Variants in CRIM1 observed in about 807,000 individuals in gnomAD.
CRIM1 encodes cysteine rich transmembrane BMP regulator 1, also known as cysteine-rich motor neuron 1 protein.
Under a neutral mutation model 116.4 loss-of-function variants are expected in CRIM1, and 32 were observed. The observed-to-expected ratio is 0.27, with a 90% CI of 0.21 to 0.37. CRIM1 has a LOEUF of 0.37. Ranked by LOEUF, CRIM1 falls within the 10% of genes least tolerant of loss-of-function variation. The probability of loss-of-function intolerance (pLI) is 1.00; values close to 1 mark genes in which losing one functional copy is unlikely to be tolerated. For synonymous variants in CRIM1, 590 were observed against 509.2 expected (o/e 1.16, Z -2.13); for missense variants, 1,331 against 1,354.8 (o/e 0.98, Z 0.28).
chr2:36,429,774 G>A (rs1280592096), intron 2 of CRIM1, among the ~76,000 whole-genome samples: 2 of 152,114 alleles, frequency 1.3e-5, no homozygotes, highest in Non-Finnish European at 2.9e-5. Flanking sequence ...CCAAGACCAG[G>A]GGATAAGATT....
At chr2:36,409,304 C>G (rs1673041325) in intron 2 of CRIM1, among the ~76,000 whole-genome samples, 1 of 152,276 alleles carries the variant, frequency 6.6e-6, no homozygotes, top group East Asian at 1.9e-4. Flanking sequence ...TAACTATAAT[C>G]TAGGAAAAAT....
chr2:36,397,716 C>T (rs1672127364), intron 2 of CRIM1, among the ~76,000 whole-genome samples: 1 of 152,092 alleles, frequency 6.6e-6, no homozygotes, highest in Admixed American at 6.5e-5. Flanking sequence ...ACTTAGTTTC[C>T]AAGTTATATT....
intron 1 of CRIM1, among the ~76,000 whole-genome samples, chr2:36,387,445 C>T (rs1322754185): frequency 6.6e-6 from 1 of 152,160 alleles, no homozygotes; most frequent in Non-Finnish European, 1.5e-5. Context: ...GAGACAGCTG[C>T]GTTGCTTAAT....
At chr2:36,482,114 G>A (rs943287731) in intron 7 of CRIM1, among the ~76,000 whole-genome samples, 2 of 152,106 alleles carry the variant, frequency 1.3e-5, no homozygotes, top group African/African-American at 4.8e-5. Context: ...TCATTTCAGC[G>A]GTAAAGTTCT....
chr2:36,441,704 C>T (rs1057056468), intron 3 of CRIM1, among the ~76,000 whole-genome samples: 2 of 152,158 alleles, frequency 1.3e-5, no homozygotes, highest in Non-Finnish European at 2.9e-5. Flanking sequence ...GGTACATAAG[C>T]GCCTTCGGAG....
chr2:36,434,944 T>G (rs772843178), intron 2 of CRIM1, among the ~76,000 whole-genome samples: 2 of 152,190 alleles, frequency 1.3e-5, no homozygotes, highest in African/African-American at 4.8e-5. Flanking sequence ...CAGAGATACC[T>G]TCCTTCACTC....
At chr2:36,523,150 G>A (rs938894375) in intron 13 of CRIM1, among the ~76,000 whole-genome samples, 15 of 152,018 alleles carry the variant, frequency 9.9e-5, no homozygotes, top group Non-Finnish European at 7.4e-5. Flanking sequence ...GATGGGGACA[G>A]TGGTGTTTTT....
chr2:36,516,991 A>G (rs1042285045), intron 11 of CRIM1, among the ~76,000 whole-genome samples: 8 of 152,232 alleles, frequency 5.3e-5, no homozygotes, highest in African/African-American at 1.9e-4. Context: ...TGAATCCGAG[A>G]CAGTTCCTAC....
chr2:36,463,150 G>T lies in CRIM1; in HGVS notation c.870-1384G>T, dbSNP rs1677714921. 2.0e-5 allele frequency among the ~76,000 whole-genome samples: 3 copies of T among 152,184 alleles called. No individual in the cohort carries two copies. In the South Asian group the frequency reaches 6.2e-4, roughly 32 times the overall value. The stretch of plus-strand genomic sequence containing the variant: ...GAGCCTACCTTGGGGTGATAGTGGG[G>T]TGTTTAAAGCCACCTTTCCAGTGGC... On this transcript the variant is annotated intron_variant, in intron 4 of 16. Coordinates refer to ENST00000280527, the MANE Select transcript of CRIM1 (RefSeq NM_016441.3).
intron 2 of CRIM1, among the ~76,000 whole-genome samples, chr2:36,410,636 C>A (rs1572670156): frequency 6.6e-6 from 1 of 151,798 alleles, no homozygotes; most frequent in Non-Finnish European, 1.5e-5. Flanking sequence ...CACTGGTTAT[C>A]CTCTAACAGA....
intron 2 of CRIM1, among the ~76,000 whole-genome samples, chr2:36,439,517 C>T (rs964946636): frequency 2.6e-5 from 4 of 152,196 alleles, no homozygotes; most frequent in African/African-American, 9.7e-5. Context: ...CCCTGCTGCT[C>T]ATCCAACCTC....
chr2:36,445,756 A>G (rs994293784), intron 4 of CRIM1, among the ~76,000 whole-genome samples: 1 of 152,178 alleles, frequency 6.6e-6, no homozygotes, highest in African/African-American at 2.4e-5. Flanking sequence ...TGATTAGAGA[A>G]TAACAACCCA....
intron 5 of CRIM1, among the ~76,000 whole-genome samples, chr2:36,472,710 G>A (rs1678628344): frequency 6.6e-6 from 1 of 152,040 alleles, no homozygotes; most frequent in South Asian, 2.1e-4. Context: ...AGTATTGATT[G>A]GTTTATTTTT....
chr2:36,510,923 C>CTTTTTTTT (rs1013951561), intron 9 of CRIM1, among the ~76,000 whole-genome samples: 3 of 109,170 alleles, frequency 2.7e-5, no homozygotes, highest in African/African-American at 7.0e-5. Context: ...GATTCCTTTT[C>CTTTTTTTT]TTTTTTTTTT....
intron 1 of CRIM1, among the ~76,000 whole-genome samples, chr2:36,393,071 T>C (rs1176468873): frequency 3.3e-5 from 5 of 152,154 alleles, no homozygotes; most frequent in Non-Finnish European, 5.9e-5. Flanking sequence ...AGGGAAATGG[T>C]CTTCCTGTGG....
chr2:36,541,435 A>G (rs967616755), intron 14 of CRIM1, among the ~76,000 whole-genome samples: 1 of 152,190 alleles, frequency 6.6e-6, no homozygotes, highest in South Asian at 2.1e-4. Flanking sequence ...TCTTTACAGA[A>G]GAAACTGAGG....
chr2:36,450,204 G>A (rs900157213), intron 4 of CRIM1, among the ~76,000 whole-genome samples: 11 of 152,294 alleles, frequency 7.2e-5, no homozygotes, highest in African/African-American at 9.6e-5. Flanking sequence ...AAATGTGCTG[G>A]AGAGGGCCAT....
rs1553368331 is a variant in CRIM1 at position 36,378,806 on chromosome 2, G to GGTTTT, written c.332-17808_332-17807insGTTTT. ...GATGGGAGTTTTTTTGTTGTTTTCG[G>GGTTTT]TTTTTTTTTTTTTTTTTTTTGAGAC... On this transcript the variant is annotated intron_variant, in intron 1 of 16. Transcript: ENST00000280527. The GGTTTT allele has an allele frequency of 1.5e-3, 182 of 118,870 alleles. 5 individuals carry two copies. Among genetic ancestry groups the GGTTTT allele is most frequent in the Middle Eastern group, 4.9e-3 (1 of 204 alleles). 7.4% of individuals were successfully genotyped at this position (118,870 alleles called of 1,614,324 possible). A position where few individuals can be genotyped will look rare whatever the true frequency, so the allele number is the denominator to read the frequency against.
intron 1 of CRIM1, among the ~76,000 whole-genome samples, chr2:36,366,420 TAA>T (rs551360014): frequency 1.2e-3 from 178 of 151,564 alleles, no homozygotes; most frequent in African/African-American, 4.1e-3. Context: ...GAAAAAAAAA[TAA>T]GTGTTAATTA....
Sources: gnomAD v4.1 joint callset for allele counts (sites outside exome capture counted in the v4.1 genomes callset) on GRCh38, gnomAD v4.1.1 for gene constraint, MANE v1.5 for transcripts, NCBI Gene and HGNC (gene_info 2026-07-23, HGNC 2026-07-21) for gene names.